Variants in MOB3B observed in about 807,000 individuals in gnomAD.
MOB3B encodes MOB kinase activator 3B, also known as MOB kinase activator-like 2B.
Under a neutral mutation model 18.7 loss-of-function variants are expected in MOB3B, and 7 were observed. The ratio of observed to expected loss-of-function variants is 0.37; its 90% confidence interval spans 0.21 to 0.70. MOB3B has a LOEUF of 0.70. Among genes scored for constraint, MOB3B ranks in the 30% least tolerant of loss-of-function variants. The pLI, the probability that MOB3B is intolerant of heterozygous loss-of-function variation, is 0.52. For synonymous variants in MOB3B, 111 were observed against 99.9 expected, an observed-to-expected ratio of 1.11 and a Z score of -0.66; for missense variants, 253 against 281.3, an observed-to-expected ratio of 0.90 and a Z score of 0.72.
chr9:27,466,063 T>C (rs1819378551), intron 1 of MOB3B, among the ~76,000 whole-genome samples: 1 of 152,202 alleles, frequency 6.6e-6, no homozygotes, highest in Non-Finnish European at 1.5e-5. Flanking sequence ...CCTCAAAAAA[T>C]GGGTTTTTCT....
chr9:27,368,933 C>T (rs1378166606), intron 2 of MOB3B, among the ~76,000 whole-genome samples: 1 of 152,120 alleles, frequency 6.6e-6, no homozygotes, highest in Non-Finnish European at 1.5e-5. Context: ...GCCTTTGTCC[C>T]CTGCTTTCAC....
intron 3 of MOB3B, among the ~76,000 whole-genome samples, chr9:27,335,383 G>A (rs1034983516): frequency 6.6e-6 from 1 of 152,202 alleles, no homozygotes; most frequent in Non-Finnish European, 1.5e-5. Context: ...ATTAGTGGCA[G>A]AACTGGACTG....
intron 1 of MOB3B, among the ~76,000 whole-genome samples, chr9:27,493,217 G>A (rs899460121): frequency 1.3e-4 from 20 of 152,144 alleles, no homozygotes; most frequent in African/African-American, 3.9e-4. Flanking sequence ...GACCCCAAAC[G>A]GAGGGACCGG....
At chr9:27,527,096 A>G (rs1489568075) in intron 1 of MOB3B, among the ~76,000 whole-genome samples, 1 of 152,106 alleles carries the variant, frequency 6.6e-6, no homozygotes, top group Admixed American at 6.5e-5. Flanking sequence ...TTTTTCCTAT[A>G]GTGATTTTTT....
intron 1 of MOB3B, among the ~76,000 whole-genome samples, chr9:27,483,423 C>T (rs1011531624): frequency 2.6e-5 from 4 of 152,112 alleles, no homozygotes; most frequent in Admixed American, 6.5e-5. Flanking sequence ...TGAGCCACCG[C>T]GCCCGGCCAA....
intron 2 of MOB3B, among the ~76,000 whole-genome samples, chr9:27,414,521 G>C (rs1169192935): frequency 6.6e-6 from 1 of 152,252 alleles, no homozygotes; most frequent in Non-Finnish European, 1.5e-5. Context: ...CCTGTGCACA[G>C]CTAATATGAG....
chr9:27,481,521 T>G (rs1372984744), intron 1 of MOB3B, among the ~76,000 whole-genome samples: 48 of 114,854 alleles, frequency 4.2e-4, no homozygotes, highest in African/African-American at 1.4e-3. Context: ...GTTTTTTTTG[T>G]TTTTTTTTTT....
intron 2 of MOB3B, among the ~76,000 whole-genome samples, chr9:27,388,078 A>G (rs1003781818): frequency 2.0e-5 from 3 of 152,340 alleles, no homozygotes; most frequent in East Asian, 1.9e-4. Context: ...ACAGCCTCCC[A>G]TAGCAAAGAA....
intron 2 of MOB3B, among the ~76,000 whole-genome samples, chr9:27,454,283 C>T (rs1487745644): frequency 1.3e-5 from 2 of 152,202 alleles, no homozygotes; most frequent in African/African-American, 2.4e-5. Flanking sequence ...ATCATACTTT[C>T]TAATAGCACA....
At chr9:27,466,835 T>C (rs1435722057) in intron 1 of MOB3B, among the ~76,000 whole-genome samples, 1 of 152,138 alleles carries the variant, frequency 6.6e-6, no homozygotes, top group African/African-American at 2.4e-5. Flanking sequence ...TCCTACAATA[T>C]GTGGGAATTT....
intron 1 of MOB3B, among the ~76,000 whole-genome samples, chr9:27,487,060 G>A (rs1031459416): frequency 6.6e-5 from 10 of 151,904 alleles, no homozygotes; most frequent in Admixed American, 2.0e-4. Flanking sequence ...GAACCTGGGA[G>A]GTGAAGGTTG....
intron 2 of MOB3B, chr9:27,396,787 C>G (rs996998173): frequency 6.6e-6 from 1 of 152,146 alleles, no homozygotes; most frequent in African/African-American, 2.4e-5. Context: ...TGATTTTTGG[C>G]TGAGCAAAAT....
intron 2 of MOB3B, among the ~76,000 whole-genome samples, chr9:27,368,923 G>C (rs371833978): frequency 1.3e-4 from 20 of 152,270 alleles, no homozygotes; most frequent in African/African-American, 4.8e-4. Flanking sequence ...CCAGATGGCT[G>C]CCTTTGTCCC....
At chr9:27,447,095 A>G (rs1822704211) in intron 2 of MOB3B, among the ~76,000 whole-genome samples, 1 of 152,182 alleles carries the variant, frequency 6.6e-6, no homozygotes, top group African/African-American at 2.4e-5. Flanking sequence ...AGGTTCGTTG[A>G]AGGAAAAGCT....
At chr9:27,349,766 A>G (rs1821079533) in intron 3 of MOB3B, among the ~76,000 whole-genome samples, 1 of 152,222 alleles carries the variant, frequency 6.6e-6, no homozygotes, top group Admixed American at 6.5e-5. Flanking sequence ...AGCAGAAGGT[A>G]CTGAGTTTTA....
chr9:27,514,894 C>T (rs1444587585), intron 1 of MOB3B, among the ~76,000 whole-genome samples: 1 of 152,178 alleles, frequency 6.6e-6, no homozygotes, highest in African/African-American at 2.4e-5. Context: ...AGTGGTAACT[C>T]CTGTAAAGAA....
At chr9:27,446,498 C>G (rs771265973) in intron 2 of MOB3B, among the ~76,000 whole-genome samples, 9 of 152,216 alleles carry the variant, frequency 5.9e-5, no homozygotes, top group Non-Finnish European at 8.8e-5. Context: ...TCTACCTTTC[C>G]TTTCATTTGT....
intron 2 of MOB3B, among the ~76,000 whole-genome samples, chr9:27,359,887 G>A (rs921252337): frequency 2.0e-5 from 3 of 152,142 alleles, no homozygotes; most frequent in African/African-American, 4.8e-5. Flanking sequence ...GCAAGCCCAC[G>A]TCCTTTCTCC....
chr9:27,412,275 G>A (rs1205432418), intron 2 of MOB3B, among the ~76,000 whole-genome samples: 1 of 151,004 alleles, frequency 6.6e-6, no homozygotes, highest in Admixed American at 6.6e-5. Flanking sequence ...CGAGCAGGAA[G>A]AGCTGCTTAA....
Sources: gnomAD v4.1 joint callset for allele counts (sites outside exome capture counted in the v4.1 genomes callset) on GRCh38, gnomAD v4.1.1 for gene constraint, MANE v1.5 for transcripts, NCBI Gene and HGNC (gene_info 2026-07-23, HGNC 2026-07-21) for gene names.